Variants in AGAP1 observed in about 807,000 individuals in gnomAD.
AGAP1 encodes the protein ArfGAP with GTPase domain, ankyrin repeat and PH domain 1.
In AGAP1, 29 loss-of-function variants were observed where a neutral mutation model predicts 105.3. The ratio of observed to expected loss-of-function variants is 0.28; its 90% CI spans 0.21 to 0.38. The LOEUF (loss-of-function observed/expected upper bound fraction) is 0.38, where lower values mean the gene tolerates loss of function less well. Among genes scored for constraint, AGAP1 ranks in the 10% least tolerant of loss-of-function variants. AGAP1 has a pLI of 1.00. For synonymous variants in AGAP1, 509 were observed against 485.9 expected (o/e 1.05, Z -0.63); for missense variants, 998 against 1,165.1 (o/e 0.86, Z 2.09).
rs1339432451 is a variant in AGAP1, at chr2:236,087,085, A to G, written c.2115-33107A>G. On this transcript the variant is annotated intron_variant, in intron 16 of 17. Transcript: ENST00000304032. The surrounding 1 kb of genome is among the most constrained non-coding windows in gnomAD (Gnocchi z 5.7). ...GAAACAAAGGCCTCGCAGCAGGAGCAGAAGGGACACACACTCCCTCTGAAT... is the reference window on the plus strand; with the variant it reads ...GAAACAAAGGCCTCGCAGCAGGAGCGGAAGGGACACACACTCCCTCTGAAT... Among the ~76,000 whole-genome samples the G allele has an allele frequency of 6.6e-6, 1 of 152,218 alleles. No homozygotes were observed. The highest frequency in any genetic ancestry group is 1.5e-5 in the Non-Finnish European group (1 of 68,052).
intron 1 of AGAP1, among the ~76,000 whole-genome samples, chr2:235,597,353 G>A (rs1244297283): frequency 6.6e-6 from 1 of 152,182 alleles, no homozygotes; most frequent in Non-Finnish European, 1.5e-5. Flanking sequence ...GGCTTGCTTT[G>A]TCCTCTGCCA....
chr2:236,078,337 T>C lies in AGAP1; in HGVS notation c.2114+29056T>C, dbSNP rs2058698046. Among the ~76,000 whole-genome samples the C allele has an allele frequency of 6.6e-6, 1 of 152,116 alleles. No individual in the cohort carries two copies. The highest frequency in any genetic ancestry group is 1.5e-5 in the Non-Finnish European group (1 of 68,024). On this transcript the variant is annotated intron_variant, in intron 16 of 17. Transcript: ENST00000304032. The surrounding 1 kb of genome is among the most constrained non-coding windows in gnomAD (Gnocchi z 5.3). ...CCTGATGGGATGAGGCCCACCTGCT[T>C]TCTCAAGGATAATTGCCTTTGTTTG...
chr2:235,717,774 A>G, intron 3 of AGAP1, 130 bp downstream of exon 3: 1 of 760,148 alleles, frequency 1.3e-6, no homozygotes, highest in Non-Finnish European at 2.1e-6. Flanking sequence ...AGCGGTAAAA[A>G]CCCTTAAGTA....
intron 11 of AGAP1, among the ~76,000 whole-genome samples, chr2:235,918,631 C>T (rs1237827716): frequency 2.0e-5 from 3 of 152,200 alleles, no homozygotes; most frequent in African/African-American, 7.2e-5. Context: ...TACACTGTTA[C>T]TTCTCTTTCT....
At chr2:235,869,386 C>T (rs1419581610) in intron 9 of AGAP1, among the ~76,000 whole-genome samples, 2 of 136,828 alleles carry the variant, frequency 1.5e-5, no homozygotes, top group African/African-American at 5.6e-5. Flanking sequence ...AGATTGAGAC[C>T]ATCCTGACCA....
rs930307716 is a variant in AGAP1, at chr2:235,715,805, A to C, written c.223-1752A>C. ...ACACTGAGGTGGCAGCAAGGTGCCCAGGAGGGAGCGGACTCCCTGACTTCC... is the reference window on the plus strand; with the variant it reads ...ACACTGAGGTGGCAGCAAGGTGCCCCGGAGGGAGCGGACTCCCTGACTTCC... On this transcript the variant is annotated intron_variant, in intron 2 of 17. Coordinates refer to ENST00000304032, the MANE Select transcript of AGAP1 (RefSeq NM_001037131.3). Among the ~76,000 whole-genome samples the C allele has an allele frequency of 7.9e-5, 12 of 152,114 alleles. No homozygotes were observed. In the East Asian group the frequency reaches 2.3e-3, roughly 29 times the overall value.
At chr2:236,034,987 G>C (rs915564472) in intron 13 of AGAP1, among the ~76,000 whole-genome samples, 1 of 152,204 alleles carries the variant, frequency 6.6e-6, no homozygotes, top group African/African-American at 2.4e-5. Flanking sequence ...CACCCAGCCA[G>C]AAAGGAGTGG....
At chr2:235,560,639 G>A (rs776107662) in intron 1 of AGAP1, among the ~76,000 whole-genome samples, 2 of 152,136 alleles carry the variant, frequency 1.3e-5, no homozygotes, top group Non-Finnish European at 2.9e-5. Context: ...GATGGAGGGA[G>A]GCTACCAGCC....
At position 236,049,249 on chromosome 2, in the gene AGAP1, G is replaced by A. The variant is rs2057821947; in HGVS notation, c.2082G>A (p.Gln694=). 1 of 1,614,084 alleles carries A rather than the reference G, an allele frequency of 6.2e-7. No individual in the cohort carries two copies. The highest frequency in any genetic ancestry group is 1.3e-5 in the African/African-American group (1 of 74,940). Residue 694 remains glutamine (Q), a synonymous_variant, in exon 16 of 18, where the codon CAG becomes CAA. Transcript: ENST00000304032. ...ACAGCGTCTGGGAAGAGAGCAGCCA[G>A]GGGCGGACGAAACCATCGGTAGACT... is the stretch of plus-strand genomic sequence containing the variant. ...LANSVWEESS[Q]GRTKPSVDST...
intron 16 of AGAP1, among the ~76,000 whole-genome samples, chr2:236,068,354 A>G (rs1224715368): frequency 6.6e-6 from 1 of 152,052 alleles, no homozygotes; most frequent in Non-Finnish European, 1.5e-5. Flanking sequence ...GTTCCATAAT[A>G]TAATAACCCT....
intron 9 of AGAP1, among the ~76,000 whole-genome samples, chr2:235,858,841 G>A (rs77996794): frequency 1.2e-3 from 185 of 152,250 alleles, no homozygotes; most frequent in African/African-American, 4.2e-3. Context: ...CAAAGTTGGT[G>A]GTAGCAAGGA....
Position 235,589,189 on chromosome 2 carries a change from G to GTTTTTTTTTT in AGAP1, c.163+94344_163+94345insTTTTTTTTTT, listed in dbSNP as rs1205771315. 1.6e-4 allele frequency among the ~76,000 whole-genome samples: 9 copies of GTTTTTTTTTT among 54,940 alleles called. 1 individual carries two copies. The highest frequency in any genetic ancestry group is 2.6e-4 in the Non-Finnish European group (6 of 23,250). 36.0% of individuals were successfully genotyped at this position (54,940 alleles called of 152,430 possible). ...GAGAACTACCAGTTAATAGCTTATT[G>GTTTTTTTTTT]TTTTGTTTTTTTTTTTTTTTTTTTT... On this transcript the variant is annotated intron_variant, in intron 1 of 17. Transcript: ENST00000304032.
chr2:235,637,032 G>A (rs1304096589), intron 1 of AGAP1, among the ~76,000 whole-genome samples: 1 of 152,090 alleles, frequency 6.6e-6, no homozygotes, highest in Admixed American at 6.6e-5. Context: ...CTTTGATCTT[G>A]GACTTCTGGC....
At position 235,862,179 on chromosome 2, in the gene AGAP1, G is replaced by A. The variant is rs777659619; in HGVS notation, c.1051-21166G>A. Among the ~76,000 whole-genome samples the A allele has an allele frequency of 1.6e-4, 24 of 150,650 alleles. No homozygotes were observed. In the South Asian group the frequency reaches 2.1e-3, roughly 13 times the overall value. On this transcript the variant is annotated intron_variant, in intron 9 of 17. Coordinates refer to ENST00000304032, the MANE Select transcript of AGAP1 (RefSeq NM_001037131.3). Reference sequence around the variant, plus strand: ...TCCATTCATCCATGGCTCCGTGCACGTGCAGCCCGGGACCATGACTCTGAT... The same window carrying A: ...TCCATTCATCCATGGCTCCGTGCACATGCAGCCCGGGACCATGACTCTGAT...
chr2:235,606,945 G>GAAAA (rs5839603), intron 1 of AGAP1, among the ~76,000 whole-genome samples: 8 of 61,934 alleles, frequency 1.3e-4, no homozygotes, highest in South Asian at 7.0e-4. Context: ...ACTGCCTCTT[G>GAAAA]AAAAAAAAAA....
chr2:236,041,606 A>G (rs2057551396), intron 15 of AGAP1, among the ~76,000 whole-genome samples: 1 of 152,220 alleles, frequency 6.6e-6, no homozygotes, highest in Non-Finnish European at 1.5e-5. Context: ...CAGAGACAGT[A>G]TTGGAGACAT....
intron 1 of AGAP1, among the ~76,000 whole-genome samples, chr2:235,677,653 G>A (rs1046052909): frequency 2.6e-5 from 4 of 151,138 alleles, no homozygotes; most frequent in Non-Finnish European, 4.4e-5. Flanking sequence ...TGCTTGAGAC[G>A]ATTGTCAGAG....
rs1195877476 is a variant in AGAP1, at chr2:235,842,419, A to G, written c.1050+35088A>G. 2.0e-5 allele frequency among the ~76,000 whole-genome samples: 3 copies of G among 152,218 alleles called. No individual in the cohort carries two copies. The highest frequency in any genetic ancestry group is 7.2e-5 in the African/African-American group (3 of 41,438). On this transcript the variant is annotated intron_variant, in intron 9 of 17. Transcript: ENST00000304032. The surrounding 1 kb of genome is among the most constrained non-coding windows in gnomAD (Gnocchi z 5.3). Reference sequence around the variant, plus strand: ...CATTGCCGTTGTCCCAGATAATTGAATAGGTTGTTTTCTCTGGTCACCGTT... The same window carrying G: ...CATTGCCGTTGTCCCAGATAATTGAGTAGGTTGTTTTCTCTGGTCACCGTT...
At chr2:235,916,611 C>T (rs1265463200) in intron 11 of AGAP1, among the ~76,000 whole-genome samples, 1 of 152,200 alleles carries the variant, frequency 6.6e-6, no homozygotes, top group Non-Finnish European at 1.5e-5. Context: ...AGTTGTCTCA[C>T]TAAACCCCAG....
Sources: gnomAD v4.1 joint callset for allele counts (sites outside exome capture counted in the v4.1 genomes callset) on GRCh38, gnomAD v4.1.1 for gene constraint, Gnocchi (gnomAD v3.1) non-coding constraint, MANE v1.5 for transcripts, NCBI Gene and HGNC (gene_info 2026-07-23, HGNC 2026-07-21) for gene names.